FIBCD1: variants seen among roughly 807,000 people sequenced by gnomAD.
The protein encoded by FIBCD1 is fibrinogen C domain containing 1.
Under a neutral mutation model 45.1 loss-of-function variants are expected in FIBCD1, and 47 were observed. The ratio of observed to expected loss-of-function variants is 1.04; its 90% confidence interval spans 0.82 to 1.33. The LOEUF is 1.33. Ranked by LOEUF, FIBCD1 falls within the 40% of genes most tolerant of loss-of-function variation. FIBCD1 has a pLI of 0.00. For synonymous variants in FIBCD1, 313 were observed against 308.1 expected (o/e 1.02, Z -0.17); for missense variants, 653 against 682.2 (o/e 0.96, Z 0.48).
At chr9:130,914,760 C>G (rs990088575) in intron 4 of FIBCD1, among the ~76,000 whole-genome samples, 2 of 152,182 alleles carry the variant, frequency 1.3e-5, no homozygotes, top group African/African-American at 2.4e-5. Context: ...CCAATGCTGC[C>G]ATTTACGTAA....
At chr9:130,913,453 G>A (rs1294006423) in intron 4 of FIBCD1, among the ~76,000 whole-genome samples, 2 of 152,162 alleles carry the variant, frequency 1.3e-5, no homozygotes, top group Non-Finnish European at 2.9e-5. Flanking sequence ...TGCCGCGTGA[G>A]CGTTTGCCAA....
In FIBCD1 at chr9:130,904,144, C is replaced by CA. The variant is rs1309696438; in HGVS notation, c.1305_1306insT (p.Glu436Ter). 2 of 1,613,508 alleles carry CA rather than the reference C, an allele frequency of 1.2e-6. No homozygotes were observed. Among genetic ancestry groups the CA allele is most frequent in the South Asian group, 2.2e-5 (2 of 91,082 alleles). On this transcript the variant is annotated frameshift_variant, in exon 7 of 7. Transcript: ENST00000372338. LOFTEE classifies it high-confidence loss of function. ...TGCCAGCCGGTCCAGGAGGACCACT[C>CA]CACGCCGTCGGCATAGGAGGCGTGC...
intron 2 of FIBCD1, 57 bp from the exon 3 acceptor site, chr9:130,924,453 C>A: frequency 6.7e-7 from 1 of 1,502,774 alleles, no homozygotes; most frequent in Non-Finnish European, 9.0e-7. Context: ...GGTGGGGTGG[C>A]GCACATAGCA....
Position 130,924,409 on chromosome 9 carries a change from G to A in FIBCD1, c.553-13C>T, listed in dbSNP as rs748442332. The A allele has an allele frequency of 2.7e-5, 43 of 1,601,660 alleles. No homozygotes were observed. In the Middle Eastern group the frequency reaches 8.4e-4, roughly 31 times the overall value. On this transcript the variant is annotated splice_polypyrimidine_tract_variant and intron_variant, in intron 2 of 6. Coordinates refer to ENST00000372338, the MANE Select transcript of FIBCD1 (RefSeq NM_032843.5). Reference sequence around the variant, plus strand: ...TCTCAGAGAGAAGCTGCGGAGCACAGGGGGTGAGCCGAGGGGGCAGGGGCT... The same window carrying A: ...TCTCAGAGAGAAGCTGCGGAGCACAAGGGGTGAGCCGAGGGGGCAGGGGCT...
intron 4 of FIBCD1, among the ~76,000 whole-genome samples, chr9:130,915,105 C>T (rs550241948): frequency 4.6e-5 from 7 of 152,384 alleles, no homozygotes; most frequent in African/African-American, 9.6e-5. Flanking sequence ...TGTCCACACT[C>T]GTGCTTGGTG....
intron 5 of FIBCD1, among the ~76,000 whole-genome samples, chr9:130,909,644 A>G (rs544340031): frequency 6.6e-6 from 1 of 152,248 alleles, no homozygotes; most frequent in Admixed American, 6.5e-5. Context: ...TCCCAAATAT[A>G]TATAGGTAGA....
intron 4 of FIBCD1, among the ~76,000 whole-genome samples, chr9:130,923,186 G>A (rs1156595003): frequency 6.6e-6 from 1 of 152,182 alleles, no homozygotes; most frequent in African/African-American, 2.4e-5. Context: ...ACCTTCTGTG[G>A]TCCCGCCCCT....
intron 2 of FIBCD1, among the ~76,000 whole-genome samples, chr9:130,929,086 C>T (rs1040200913): frequency 6.6e-6 from 1 of 152,028 alleles, no homozygotes; most frequent in Admixed American, 6.5e-5. Context: ...TCTCTCTGTC[C>T]CTGGGAAGCT....
chr9:130,915,770 G>A (rs1017361672), intron 4 of FIBCD1, among the ~76,000 whole-genome samples: 5 of 152,160 alleles, frequency 3.3e-5, no homozygotes, highest in South Asian at 4.1e-4. Context: ...GTGCAGTGAC[G>A]GATTGCGGAC....
intron 4 of FIBCD1, among the ~76,000 whole-genome samples, chr9:130,915,757 C>A (rs1447503672): frequency 6.6e-6 from 1 of 152,280 alleles, no homozygotes; most frequent in African/African-American, 2.4e-5. Flanking sequence ...GCACTTTTAA[C>A]GTGTGCAGTG....
intron 5 of FIBCD1, among the ~76,000 whole-genome samples, chr9:130,906,210 A>G (rs1432973847): frequency 2.0e-5 from 3 of 151,840 alleles, no homozygotes; most frequent in Admixed American, 6.6e-5. Flanking sequence ...CCGGGGTCTC[A>G]TGCCAGGCCT....
At chr9:130,935,107 T>TA (rs1159840159) in intron 1 of FIBCD1, among the ~76,000 whole-genome samples, 3 of 152,126 alleles carry the variant, frequency 2.0e-5, no homozygotes. Flanking sequence ...AGTCACTGAG[T>TA]AAATTTAATG....
chr9:130,938,291 G>C, intron 1 of FIBCD1: 1 of 410,698 alleles, frequency 2.4e-6, no homozygotes, highest in South Asian at 4.2e-5. Flanking sequence ...TGGGGGTGCG[G>C]GGACGCGGGA....
chr9:130,905,130 G>GA lies in FIBCD1; in HGVS notation c.1126+103dup, dbSNP rs1831901803. The GA allele has an allele frequency of 5.1e-6, 6 of 1,168,500 alleles. No individual in the cohort carries two copies. In the East Asian group the frequency reaches 1.1e-4, roughly 20 times the overall value. The allele number at this position is 1,168,500 out of a possible 1,614,324, so 72.4% of individuals were successfully genotyped here. A position where few individuals can be genotyped will look rare whatever the true frequency, so the allele number is the denominator to read the frequency against. ...AAAAACCTGATTACTTTCAAAGGGGGAAAAATACATTAGCCTTGATCATTT... is the reference window on the plus strand; with the variant it reads ...AAAAACCTGATTACTTTCAAAGGGGGAAAAAATACATTAGCCTTGATCATTT... On this transcript the variant is annotated intron_variant, in intron 6 of 6. Coordinates refer to ENST00000372338, the MANE Select transcript of FIBCD1 (RefSeq NM_032843.5).
Position 130,924,257 on chromosome 9 carries a change from C to T in FIBCD1, c.692G>A (p.Arg231Gln), listed in dbSNP as rs747110876. Residue 231 changes from arginine to glutamine, a missense_variant, in exon 3 of 7, where the codon CGG becomes CAG. By Grantham distance (43) the Arg-to-Gln change is conservative (BLOSUM62 1). Coordinates refer to ENST00000372338, the MANE Select transcript of FIBCD1 (RefSeq NM_032843.5). ...CTCACCAGTGGCACAGCCCCGGGGC[C>T]GGGTTCCCCGGGCAGGCGCTCTCTG... Reference protein sequence around the residue: ...DLQRAPARGTRPRGCATGSRP... With the variant: ...DLQRAPARGTQPRGCATGSRP... 5.0e-6 allele frequency: 8 copies of T among 1,597,552 alleles called. No homozygotes were observed. The highest frequency in any genetic ancestry group is 4.0e-5 in the African/African-American group (3 of 74,756).
chr9:130,925,338 G>A (rs1832341046), intron 2 of FIBCD1, among the ~76,000 whole-genome samples: 1 of 152,196 alleles, frequency 6.6e-6, no homozygotes, highest in African/African-American at 2.4e-5. Flanking sequence ...CCCTAGGGCG[G>A]GCTGGCAGGA....
intron 5 of FIBCD1, among the ~76,000 whole-genome samples, chr9:130,907,904 A>T (rs2133069146): frequency 6.6e-6 from 1 of 151,330 alleles, no homozygotes; most frequent in East Asian, 1.9e-4. Context: ...GTCTCAAAAA[A>T]AAAAAAAAAA....
At chr9:130,919,878 G>A (rs1296001445) in intron 4 of FIBCD1, among the ~76,000 whole-genome samples, 3 of 152,214 alleles carry the variant, frequency 2.0e-5, no homozygotes, top group African/African-American at 7.2e-5. Flanking sequence ...ACCCCAGCCA[G>A]TGACTATGCA....
At chr9:130,930,145 G>A (rs899219047) in intron 1 of FIBCD1, 99 bp from the exon 2 acceptor site, 1 of 1,402,122 alleles carries the variant, frequency 7.1e-7, no homozygotes, top group Non-Finnish European at 9.3e-7. Flanking sequence ...CCCCCTTCTT[G>A]GGGGGCTGGG....
Sources: gnomAD v4.1 joint callset for allele counts (sites outside exome capture counted in the v4.1 genomes callset) on GRCh38, gnomAD v4.1.1 for gene constraint, MANE v1.5 for transcripts, NCBI Gene and HGNC (gene_info 2026-07-23, HGNC 2026-07-21) for gene names.